The following MATN2 variants were observed in gnomAD, a reference collection of about 807,000 sequenced individuals.
The protein encoded by MATN2 is matrilin-2.
Under a neutral mutation model 103.2 loss-of-function variants are expected in MATN2, and 69 were observed. The observed-to-expected ratio is 0.67, with a 90% CI of 0.55 to 0.82. MATN2 has a LOEUF of 0.82. MATN2 is among the 40% of genes least tolerant of loss of function. MATN2 has a pLI of 0.00. For synonymous variants in MATN2, 429 were observed against 450.2 expected, an observed-to-expected ratio of 0.95 and a Z score of 0.60; for missense variants, 1,023 against 1,211.5, an observed-to-expected ratio of 0.84 and a Z score of 2.31.
At chr8:97,903,206 G>A (rs1161284009) in intron 2 of MATN2, among the ~76,000 whole-genome samples, 2 of 152,100 alleles carry the variant, frequency 1.3e-5, no homozygotes, top group African/African-American at 2.4e-5. Flanking sequence ...GGTGCAGGTG[G>A]TGCTCCATGG....
At chr8:98,002,818 C>T (rs1028963209) in intron 7 of MATN2, among the ~76,000 whole-genome samples, 5 of 152,162 alleles carry the variant, frequency 3.3e-5, no homozygotes, top group Admixed American at 2.6e-4. Context: ...TGAAGTTTGC[C>T]TGCCTTTCCA....
At chr8:98,019,733 G>T (rs77395190) in intron 12 of MATN2, among the ~76,000 whole-genome samples, 34 of 152,290 alleles carry the variant, frequency 2.2e-4, no homozygotes, top group African/African-American at 6.5e-4. Context: ...CCCTATTTTG[G>T]GGGGAGGGGT....
chr8:97,898,056 T>C (rs901593477), intron 2 of MATN2, among the ~76,000 whole-genome samples: 1 of 152,156 alleles, frequency 6.6e-6, no homozygotes, highest in African/African-American at 2.4e-5. Context: ...CCCTCTCCAG[T>C]ACCCCCCTTC....
chr8:98,019,727 A>G (rs1380285481), intron 12 of MATN2, among the ~76,000 whole-genome samples: 1 of 152,152 alleles, frequency 6.6e-6, no homozygotes, highest in East Asian at 1.9e-4. Flanking sequence ...GTAATTCCCT[A>G]TTTTGGGGGG....
chr8:97,947,693 G>T (rs997715631), intron 4 of MATN2, among the ~76,000 whole-genome samples: 2 of 152,094 alleles, frequency 1.3e-5, no homozygotes, highest in Admixed American at 6.6e-5. Context: ...TTTCCAAATT[G>T]ATCCATAGAT....
chr8:97,961,164 C>T (rs1811302350), intron 4 of MATN2, among the ~76,000 whole-genome samples: 1 of 152,156 alleles, frequency 6.6e-6, no homozygotes, highest in African/African-American at 2.4e-5. Flanking sequence ...AGAAAACTCA[C>T]CAAAATGTTA....
In MATN2 at chr8:97,917,491, T is replaced by C. The variant is rs530301255; in HGVS notation, c.143-13462T>C. Reference sequence around the variant, plus strand: ...GCCTGGCATCTTGAATGGCATCAGCTGCTTGCTACCCAGTTCTTTGGGACA... The same window carrying C: ...GCCTGGCATCTTGAATGGCATCAGCCGCTTGCTACCCAGTTCTTTGGGACA... On this transcript the variant is annotated intron_variant, in intron 2 of 18. Transcript: ENST00000254898. Among the ~76,000 whole-genome samples the C allele has an allele frequency of 6.6e-5, 10 of 152,344 alleles. No individual in the cohort carries two copies. The South Asian group carries it at 1.9e-3, about 28-fold the overall frequency.
intron 5 of MATN2, among the ~76,000 whole-genome samples, chr8:97,965,903 GA>G (rs1315021307): frequency 6.6e-6 from 1 of 152,172 alleles, no homozygotes; most frequent in Non-Finnish European, 1.5e-5. Context: ...AGAATCGCTT[GA>G]ACCTGGGAGG....
chr8:97,957,879 TGTG>T (rs1280775025), intron 4 of MATN2, among the ~76,000 whole-genome samples: 3 of 152,144 alleles, frequency 2.0e-5, no homozygotes, highest in Admixed American at 2.0e-4. Flanking sequence ...CTGATTTAAT[TGTG>T]GTGGGGAGTA....
chr8:97,959,772 T>G (rs1314467704), intron 4 of MATN2, among the ~76,000 whole-genome samples: 1 of 151,996 alleles, frequency 6.6e-6, no homozygotes, highest in Non-Finnish European at 1.5e-5. Flanking sequence ...ATAGAGATGT[T>G]GAATCAAATC....
intron 5 of MATN2, among the ~76,000 whole-genome samples, chr8:97,971,333 G>C (rs560231000): frequency 6.6e-6 from 1 of 152,298 alleles, no homozygotes; most frequent in South Asian, 2.1e-4. Context: ...AATTATTACT[G>C]TGACCTGCAT....
At chr8:97,924,141 G>C (rs369396308) in intron 2 of MATN2, among the ~76,000 whole-genome samples, 1 of 151,998 alleles carries the variant, frequency 6.6e-6, no homozygotes, top group East Asian at 1.9e-4. Flanking sequence ...CATCGTTCTC[G>C]TTTGGCTACA....
At chr8:98,001,491 G>GTC (rs1812786758) in intron 7 of MATN2, among the ~76,000 whole-genome samples, 4 of 134,620 alleles carry the variant, frequency 3.0e-5, no homozygotes, top group Non-Finnish European at 4.6e-5. Flanking sequence ...TTGAGACAGA[G>GTC]TCTCACTCTG....
At chr8:97,960,853 C>T (rs982863014) in intron 4 of MATN2, among the ~76,000 whole-genome samples, 17 of 152,284 alleles carry the variant, frequency 1.1e-4, no homozygotes, top group East Asian at 1.9e-4. Context: ...CTCGCTCTGT[C>T]GTCCAGGCTG....
intron 1 of MATN2, among the ~76,000 whole-genome samples, chr8:97,870,333 A>G (rs1408195234): frequency 6.6e-6 from 1 of 152,146 alleles, no homozygotes; most frequent in Non-Finnish European, 1.5e-5. Flanking sequence ...AGCCTGACCA[A>G]CATGGAGAAA....
chr8:97,964,922 T>C (rs767561158), intron 5 of MATN2, among the ~76,000 whole-genome samples: 4 of 151,994 alleles, frequency 2.6e-5, no homozygotes, highest in Non-Finnish European at 1.5e-5. Context: ...TTGGTAGAGA[T>C]GGGGTCTTGC....
At chr8:98,016,946 A>G (rs1274538846) in intron 11 of MATN2, among the ~76,000 whole-genome samples, 1 of 152,244 alleles carries the variant, frequency 6.6e-6, no homozygotes, top group Non-Finnish European at 1.5e-5. Flanking sequence ...AGGGAAAACT[A>G]GGTGTGGGGT....
intron 2 of MATN2, among the ~76,000 whole-genome samples, chr8:97,912,737 T>C (rs1275049820): frequency 1.3e-5 from 2 of 152,130 alleles, no homozygotes; most frequent in Non-Finnish European, 2.9e-5. Context: ...TGAGCATGCC[T>C]GGTTGCCTTT....
intron 5 of MATN2, among the ~76,000 whole-genome samples, chr8:97,966,543 G>T (rs1440585800): frequency 6.7e-6 from 1 of 149,280 alleles, no homozygotes; most frequent in East Asian, 2.0e-4. Context: ...TCTAGCCTGG[G>T]CAACAGAGTA....
Sources: allele counts gnomAD v4.1 joint callset (sites outside exome capture counted in the v4.1 genomes callset), GRCh38; gene constraint gnomAD v4.1.1; transcripts MANE v1.5; gene names NCBI Gene and HGNC (gene_info 2026-07-23, HGNC 2026-07-21).